The following MAGI2 variants were observed in gnomAD, a reference collection of about 807,000 sequenced individuals.
MAGI2 encodes membrane-associated guanylate kinase, WW and PDZ domain-containing protein 2.
MAGI2 carries 35 observed loss-of-function variants against 133.3 expected under a neutral mutation model. That is an observed-to-expected ratio of 0.26 (90% CI 0.20 to 0.35). The LOEUF (loss-of-function observed/expected upper bound fraction) is 0.35. Among genes scored for constraint, MAGI2 ranks in the 10% least tolerant of loss-of-function variants. The pLI, the probability that MAGI2 is intolerant of heterozygous loss-of-function variation, is 1.00. For missense variants in MAGI2, 1,636 were observed against 1,863.4 expected, an observed-to-expected ratio of 0.88 and a Z score of 2.25; for synonymous variants, 729 against 710.6, an observed-to-expected ratio of 1.03 and a Z score of -0.41.
intron 2 of MAGI2, among the ~76,000 whole-genome samples, chr7:78,918,581 C>T (rs774104234): frequency 6.6e-6 from 1 of 152,064 alleles, no homozygotes; most frequent in Admixed American, 6.6e-5. Context: ...TCATTTTGGC[C>T]TTAGATAAAA....
rs955746101 is a variant in MAGI2 at position 78,441,150 on chromosome 7, A to G, written c.1045+48611T>C. Among the ~76,000 whole-genome samples, 21 of 152,278 alleles carry G rather than the reference A, an allele frequency of 1.4e-4. No individual in the cohort carries two copies. The Middle Eastern group carries it at 0.01, about 74-fold the overall frequency. On this transcript the variant is annotated intron_variant, in intron 6 of 21. Transcript: ENST00000354212. ...ATAGTTCCTGACTTGAACATTCAAG[A>G]TCCTGCACAATTTGGTCTCAAGCTG...
At chr7:79,349,004 A>G (rs1448073599) in intron 1 of MAGI2, among the ~76,000 whole-genome samples, 1 of 152,004 alleles carries the variant, frequency 6.6e-6, no homozygotes, top group Non-Finnish European at 1.5e-5. Context: ...GCTCAAAAAA[A>G]GACATCTCTG....
chr7:79,286,138 C>G (rs1003118555), intron 1 of MAGI2, among the ~76,000 whole-genome samples: 3 of 151,940 alleles, frequency 2.0e-5, no homozygotes, highest in Non-Finnish European at 2.9e-5. Flanking sequence ...AATCTAAGAT[C>G]CCAGGAGAAG....
intron 1 of MAGI2, among the ~76,000 whole-genome samples, chr7:79,267,644 G>A (rs988492900): frequency 3.9e-5 from 6 of 152,098 alleles, no homozygotes; most frequent in East Asian, 3.9e-4. Flanking sequence ...CAGGTGTAGG[G>A]GCAAAGAGAA....
At chr7:78,551,952 C>A (rs1799368682) in intron 3 of MAGI2, among the ~76,000 whole-genome samples, 1 of 152,030 alleles carries the variant, frequency 6.6e-6, no homozygotes, top group East Asian at 1.9e-4. Context: ...GCCATGTTGC[C>A]CAGATGGGTC....
chr7:78,922,919 T>G (rs1799375914), intron 2 of MAGI2, among the ~76,000 whole-genome samples: 1 of 151,990 alleles, frequency 6.6e-6, no homozygotes, highest in Admixed American at 6.6e-5. Flanking sequence ...ATTGTGGTTT[T>G]GATTTGCATT....
chr7:78,507,781 T>C (rs1420689685), intron 4 of MAGI2, among the ~76,000 whole-genome samples: 4 of 152,204 alleles, frequency 2.6e-5, no homozygotes, highest in Admixed American at 2.6e-4. Flanking sequence ...TCCTGCATTA[T>C]TAGAAACATT....
At chr7:78,438,662 C>A (rs915742585) in intron 6 of MAGI2, among the ~76,000 whole-genome samples, 2 of 152,106 alleles carry the variant, frequency 1.3e-5, no homozygotes, top group Admixed American at 1.3e-4. Context: ...TCTTTAATTT[C>A]TCTTTAACGA....
chr7:79,228,268 G>A (rs1235518333), intron 1 of MAGI2, among the ~76,000 whole-genome samples: 2 of 145,044 alleles, frequency 1.4e-5, no homozygotes, highest in Non-Finnish European at 1.5e-5. Context: ...GCTGGACCCC[G>A]GGAGTTCAAG....
At chr7:79,171,952 C>A (rs1825667998) in intron 1 of MAGI2, among the ~76,000 whole-genome samples, 1 of 151,226 alleles carries the variant, frequency 6.6e-6, no homozygotes, top group Non-Finnish European at 1.5e-5. Flanking sequence ...TCTCCTTATA[C>A]TTTGGTGTAT....
At position 78,775,782 on chromosome 7, in the gene MAGI2, G is replaced by T. The variant is rs1177119956; in HGVS notation, c.419-148543C>A. ...GGAAAATCTAAAGAATTCACTAAAG[G>T]TCAGAAAACTAATAAGTGCAGTTTC... On this transcript the variant is annotated intron_variant, in intron 2 of 21. Coordinates refer to ENST00000354212, the MANE Select transcript of MAGI2 (RefSeq NM_012301.4). Among the ~76,000 whole-genome samples the T allele has an allele frequency of 2.0e-5, 3 of 152,154 alleles. 1 individual carries two copies. Among genetic ancestry groups the T allele is most frequent in the South Asian group, 4.1e-4 (2 of 4,832 alleles).
At chr7:78,698,860 C>T (rs1312492924) in intron 2 of MAGI2, among the ~76,000 whole-genome samples, 2 of 152,114 alleles carry the variant, frequency 1.3e-5, no homozygotes, top group Non-Finnish European at 2.9e-5. Context: ...GGTAACCACC[C>T]CATGATTCAA....
At chr7:78,255,628 G>A (rs1054159456) in intron 10 of MAGI2, 5 of 542,794 alleles carry the variant, frequency 9.2e-6, no homozygotes, top group African/African-American at 3.9e-5. Flanking sequence ...CTCCATGACC[G>A]ATACATGAAT....
intron 1 of MAGI2, among the ~76,000 whole-genome samples, chr7:79,327,783 A>G (rs770178023): frequency 3.3e-5 from 5 of 152,150 alleles, no homozygotes; most frequent in Non-Finnish European, 5.9e-5. Flanking sequence ...AAATGCAAAG[A>G]GAAAGTAATA....
chr7:78,245,241 T>C (rs35112064), intron 10 of MAGI2, among the ~76,000 whole-genome samples: 24,522 of 152,222 alleles, frequency 0.16, 2,531 homozygotes, highest in Middle Eastern at 0.27. Context: ...ATAGGAGATA[T>C]AAATGTAAAA....
At chr7:79,447,553 A>G (rs1164553230) in intron 1 of MAGI2, among the ~76,000 whole-genome samples, 1 of 152,112 alleles carries the variant, frequency 6.6e-6, no homozygotes, top group Non-Finnish European at 1.5e-5. Flanking sequence ...GGAAGCTAGC[A>G]GTGGAAGTAT....
At chr7:79,165,362 A>G (rs1406400795) in intron 1 of MAGI2, among the ~76,000 whole-genome samples, 1 of 151,446 alleles carries the variant, frequency 6.6e-6, no homozygotes, top group African/African-American at 2.4e-5. Context: ...AGCCCTAGAC[A>G]CTCTTTAAGC....
chr7:78,167,921 C>T lies in MAGI2; in HGVS notation c.2591G>A (p.Cys864Tyr), dbSNP rs765298190. Residue 864 changes from cysteine (C) to tyrosine (Y), a missense_variant, in exon 15 of 22, where the codon TGT becomes TAT. Coordinates refer to ENST00000354212, the MANE Select transcript of MAGI2 (RefSeq NM_012301.4). ...VNLTVRRKVL[C>Y]GGEPCPENGR... Reference sequence around the variant, plus strand: ...AGCAGGCTCCAGGTACATACCTCCACATAGCACCTTTCTTCTCACAGTGAG... The same window carrying T: ...AGCAGGCTCCAGGTACATACCTCCATATAGCACCTTTCTTCTCACAGTGAG... The T allele has an allele frequency of 6.2e-7, 1 of 1,613,980 alleles. No homozygotes were observed.
intron 10 of MAGI2, among the ~76,000 whole-genome samples, chr7:78,217,501 T>C (rs146977184): frequency 2.2e-4 from 34 of 152,352 alleles, no homozygotes; most frequent in African/African-American, 7.9e-4. Flanking sequence ...CAGTTTGTCA[T>C]TGAAATGGCA....
Sources: gnomAD v4.1 joint callset for allele counts (sites outside exome capture counted in the v4.1 genomes callset) on GRCh38, gnomAD v4.1.1 for gene constraint, MANE v1.5 for transcripts, NCBI Gene and HGNC (gene_info 2026-07-23, HGNC 2026-07-21) for gene names.